FAM117B: variants seen among roughly 807,000 people sequenced by gnomAD.
FAM117B encodes family with sequence similarity 117 member B, also known as protein FAM117B.
In FAM117B, 22 loss-of-function variants were observed where a neutral mutation model predicts 52.8. The observed-to-expected ratio is 0.42, with a 90% CI of 0.30 to 0.59. FAM117B has a LOEUF of 0.59. Among genes scored for constraint, FAM117B ranks in the 20% least tolerant of loss-of-function variants. FAM117B has a pLI of 0.22. For synonymous variants in FAM117B, 309 were observed against 324.1 expected (o/e 0.95, Z 0.50); for missense variants, 678 against 802.6 (o/e 0.84, Z 1.88).
At chr2:202,763,909 C>T (rs957814316) in intron 7 of FAM117B, among the ~76,000 whole-genome samples, 40 of 152,170 alleles carry the variant, frequency 2.6e-4, no homozygotes, top group Non-Finnish European at 7.3e-5. Flanking sequence ...ACCAAACCCT[C>T]CCTCTTCCTA....
intron 4 of FAM117B, among the ~76,000 whole-genome samples, chr2:202,737,785 AGAGACAGGGTTTCACT>A (rs1442557469): frequency 6.6e-6 from 1 of 152,084 alleles, no homozygotes; most frequent in Non-Finnish European, 1.5e-5. Flanking sequence ...TATTTTTCGT[AGAGACAGGGTTTCACT>A]ATGTTGGCCA....
intron 2 of FAM117B, among the ~76,000 whole-genome samples, chr2:202,704,667 C>T (rs1323380707): frequency 1.3e-5 from 2 of 152,286 alleles, no homozygotes; most frequent in African/African-American, 2.4e-5. Flanking sequence ...TCTCAGCTCA[C>T]TGCAGCCTCT....
At position 202,726,327 on chromosome 2, in the gene FAM117B, A is replaced by G. The variant is rs370316883; in HGVS notation, c.924A>G (p.Pro308=). The G allele has an allele frequency of 1.2e-5, 20 of 1,613,766 alleles. No homozygotes were observed. Among genetic ancestry groups the G allele is most frequent in the Admixed American group, 1.7e-5 (1 of 59,886 alleles). ...ATCGAGATAAAGAAAGACAGTCTCC[A>G]TTTCATGGCAACCATGCAGCTATTA... is the stretch of plus-strand genomic sequence containing the variant. ...RHHRDKERQS[P]FHGNHAAINQ... is the part of the protein sequence containing the mutation. Residue 308 remains proline, a synonymous_variant, in exon 4 of 8, where the codon CCA becomes CCG. Transcript: ENST00000392238.
chr2:202,747,597 T>C (rs1185475351), intron 4 of FAM117B, among the ~76,000 whole-genome samples: 1 of 152,148 alleles, frequency 6.6e-6, no homozygotes, highest in Non-Finnish European at 1.5e-5. Flanking sequence ...TAAATGAATT[T>C]ACTAAAGTCG....
chr2:202,716,900 A>C (rs1370728265), intron 2 of FAM117B, among the ~76,000 whole-genome samples: 1 of 152,134 alleles, frequency 6.6e-6, no homozygotes, highest in African/African-American at 2.4e-5. Context: ...AATTTGTCTG[A>C]TAGAATTCTG....
intron 4 of FAM117B, among the ~76,000 whole-genome samples, chr2:202,754,934 A>C (rs1320725810): frequency 2.0e-5 from 3 of 149,242 alleles, no homozygotes; most frequent in Non-Finnish European, 4.4e-5. Context: ...ACAGTTCTGC[A>C]GGCTGTACAG....
intron 4 of FAM117B, among the ~76,000 whole-genome samples, chr2:202,730,388 G>C (rs1039789395): frequency 6.6e-6 from 1 of 152,160 alleles, no homozygotes; most frequent in Admixed American, 6.6e-5. Context: ...TATGATTTAA[G>C]GCCGGCCGTG....
At chr2:202,719,342 CT>C (rs1396706490) in intron 2 of FAM117B, among the ~76,000 whole-genome samples, 2 of 152,120 alleles carry the variant, frequency 1.3e-5, no homozygotes, top group Non-Finnish European at 2.9e-5. Context: ...CTATGGGAAT[CT>C]TTTATATACC....
chr2:202,747,128 ACAAAT>A (rs925515733), intron 4 of FAM117B, among the ~76,000 whole-genome samples: 2 of 152,194 alleles, frequency 1.3e-5, no homozygotes, highest in African/African-American at 4.8e-5. Context: ...TTCAACATAG[ACAAAT>A]CAATAAATGT....
chr2:202,664,446 C>T (rs538825526), intron 1 of FAM117B, among the ~76,000 whole-genome samples: 3 of 152,070 alleles, frequency 2.0e-5, no homozygotes, highest in South Asian at 2.1e-4. Context: ...TGGCACAAGA[C>T]GAGAATGAGA....
chr2:202,647,634 C>A (rs1574539915), intron 1 of FAM117B, among the ~76,000 whole-genome samples: 1 of 152,138 alleles, frequency 6.6e-6, no homozygotes, highest in East Asian at 1.9e-4. Context: ...TTATTCTTTC[C>A]ATAGAAATCT....
intron 1 of FAM117B, among the ~76,000 whole-genome samples, chr2:202,643,181 G>A (rs1420455282): frequency 6.6e-6 from 1 of 152,154 alleles, no homozygotes; most frequent in Non-Finnish European, 1.5e-5. Context: ...GGTGAAGGGT[G>A]TGCTTAAGCT....
chr2:202,678,543 C>T (rs1690412304), intron 1 of FAM117B, among the ~76,000 whole-genome samples: 2 of 152,060 alleles, frequency 1.3e-5, no homozygotes, highest in South Asian at 4.1e-4. Flanking sequence ...TGGGAATCTC[C>T]ATGTTTGAGT....
intron 3 of FAM117B, chr2:202,725,289 C>A: frequency 2.0e-5 from 4 of 203,664 alleles, no homozygotes; most frequent in Non-Finnish European, 3.8e-5. Context: ...ACAACAAATT[C>A]ACATTTATTC....
intron 1 of FAM117B, among the ~76,000 whole-genome samples, chr2:202,645,345 G>C (rs1477542557): frequency 1.3e-5 from 2 of 151,632 alleles, no homozygotes; most frequent in African/African-American, 2.4e-5. Flanking sequence ...CTGGAGTGCA[G>C]TGGCGAGATC....
At chr2:202,668,470 G>A (rs1333370292) in intron 1 of FAM117B, among the ~76,000 whole-genome samples, 1 of 141,706 alleles carries the variant, frequency 7.1e-6, no homozygotes, top group African/African-American at 2.6e-5. Context: ...GGAGGTTGCA[G>A]TGAGCTGAGA....
At chr2:202,764,855 A>T (rs1311504244) in intron 7 of FAM117B, among the ~76,000 whole-genome samples, 1 of 152,174 alleles carries the variant, frequency 6.6e-6, no homozygotes, top group African/African-American at 2.4e-5. Flanking sequence ...TGCTCAGAAA[A>T]CTATCAGGGT....
intron 2 of FAM117B, among the ~76,000 whole-genome samples, chr2:202,722,608 G>A (rs780621653): frequency 6.6e-6 from 1 of 152,058 alleles, no homozygotes; most frequent in Admixed American, 6.5e-5. Context: ...ACTTATAAAT[G>A]GGAGCTAAAT....
chr2:202,744,211 G>A (rs1388306720), intron 4 of FAM117B, among the ~76,000 whole-genome samples: 1 of 152,188 alleles, frequency 6.6e-6, no homozygotes, highest in Non-Finnish European at 1.5e-5. Flanking sequence ...ATTTATAAAG[G>A]TAAGGGTTTT....
Sources: gnomAD v4.1 joint callset for allele counts (sites outside exome capture counted in the v4.1 genomes callset) on GRCh38, gnomAD v4.1.1 for gene constraint, MANE v1.5 for transcripts, NCBI Gene and HGNC (gene_info 2026-07-23, HGNC 2026-07-21) for gene names.